POT1: variants seen among roughly 807,000 people sequenced by gnomAD.
POT1 encodes protection of telomeres 1, also known as protection of telomeres protein 1.
In POT1, 47 loss-of-function variants were observed where a neutral mutation model predicts 78.5. The ratio of observed to expected loss-of-function variants is 0.60; its 90% CI spans 0.47 to 0.76. POT1 has a LOEUF of 0.76. Among genes scored for constraint, POT1 ranks in the 30% least tolerant of loss-of-function variants. POT1 has a pLI of 0.00. For missense variants in POT1, 646 were observed against 749.9 expected (o/e 0.86, Z 1.62); for synonymous variants, 259 against 260.7 (o/e 0.99, Z 0.06).
intron 17 of POT1, among the ~76,000 whole-genome samples, chr7:124,825,593 AATG>A (rs1794611138): frequency 6.6e-6 from 1 of 152,132 alleles, no homozygotes; most frequent in South Asian, 2.1e-4. Flanking sequence ...CTGATTTAAT[AATG>A]ATGATGGTAA....
At chr7:124,887,530 A>G (rs1322867916) in intron 6 of POT1, among the ~76,000 whole-genome samples, 1 of 152,124 alleles carries the variant, frequency 6.6e-6, no homozygotes, top group Non-Finnish European at 1.5e-5. Flanking sequence ...TAAAATTTGT[A>G]TATCTTTATT....
chr7:124,882,071 T>C (rs1029111621), intron 6 of POT1, among the ~76,000 whole-genome samples: 2 of 151,994 alleles, frequency 1.3e-5, no homozygotes, highest in Non-Finnish European at 2.9e-5. Flanking sequence ...TTCAACGAAT[T>C]GACTCAGTAT....
chr7:124,885,293 C>CAAAAA lies in POT1; in HGVS notation c.124+6968_124+6972dup, dbSNP rs11372618. ...CAACAATGCAAGACCTCCATCTCTC[C>CAAAAA]AAAAAAAAAAAAAAAAAAAAAGTTT... On this transcript the variant is annotated intron_variant, in intron 6 of 18. Transcript: ENST00000357628. 8.8e-3 allele frequency among the ~76,000 whole-genome samples: 554 copies of CAAAAA among 62,718 alleles called. 1 individual carries two copies. The highest frequency in any genetic ancestry group is 0.026 in the Middle Eastern group (2 of 76). 41.1% of individuals were successfully genotyped at this position (62,718 alleles called of 152,430 possible).
intron 6 of POT1, among the ~76,000 whole-genome samples, chr7:124,879,271 T>C (rs1262641724): frequency 6.6e-6 from 1 of 152,110 alleles, no homozygotes; most frequent in East Asian, 1.9e-4. Flanking sequence ...GGAAATTATA[T>C]ACCAAGTCTG....
chr7:124,866,556 C>T (rs1171132422), intron 7 of POT1, among the ~76,000 whole-genome samples: 1 of 152,188 alleles, frequency 6.6e-6, no homozygotes, highest in African/African-American at 2.4e-5. Context: ...GACTTTTAGA[C>T]ATCCCCTTCT....
intron 17 of POT1, 54 bp from the exon 18 acceptor site, chr7:124,825,411 ATGT>A: frequency 9.2e-7 from 1 of 1,091,702 alleles, no homozygotes; most frequent in Non-Finnish European, 1.3e-6. Flanking sequence ...ATCCTTTTTA[ATGT>A]TATTATTAAC....
At chr7:124,910,684 A>T (rs949034640) in intron 3 of POT1, among the ~76,000 whole-genome samples, 1 of 152,020 alleles carries the variant, frequency 6.6e-6, no homozygotes, top group Non-Finnish European at 1.5e-5. Flanking sequence ...AAGAAACAGA[A>T]AAATAAGTTA....
intron 6 of POT1, among the ~76,000 whole-genome samples, chr7:124,882,098 C>T (rs1309347537): frequency 1.3e-5 from 2 of 151,860 alleles, no homozygotes; most frequent in Non-Finnish European, 2.9e-5. Context: ...GTGTAAATTG[C>T]CTTGGAGTTT....
At chr7:124,907,995 C>T (rs569757197) in intron 3 of POT1, among the ~76,000 whole-genome samples, 1 of 152,020 alleles carries the variant, frequency 6.6e-6, no homozygotes, top group Admixed American at 6.6e-5. Context: ...AACTACAAGA[C>T]TCATGTATTA....
chr7:124,894,537 T>A (rs1160602678), intron 5 of POT1, among the ~76,000 whole-genome samples: 1 of 151,638 alleles, frequency 6.6e-6, no homozygotes, highest in East Asian at 1.9e-4. Context: ...ACAGCTAAGA[T>A]ATAAACCTCA....
Position 124,905,039 on chromosome 7 carries a change from G to C in POT1, c.-153-6665C>G, listed in dbSNP as rs566113656. Among the ~76,000 whole-genome samples, 3 of 152,284 alleles carry C rather than the reference G, an allele frequency of 2.0e-5. No homozygotes were observed. In the South Asian group the frequency reaches 6.2e-4, roughly 32 times the overall value. Reference sequence around the variant, plus strand: ...ACATTCCACGCTCATGGATAGAAAAGAATCAGTATCATGAAAATGGCCATA... The same window carrying C: ...ACATTCCACGCTCATGGATAGAAAACAATCAGTATCATGAAAATGGCCATA... On this transcript the variant is annotated intron_variant, in intron 3 of 18. Transcript: ENST00000357628.
intron 2 of POT1, among the ~76,000 whole-genome samples, chr7:124,920,325 A>C (rs868632259): frequency 6.6e-6 from 1 of 152,208 alleles, no homozygotes; most frequent in South Asian, 2.1e-4. Context: ...AGCCAGATGC[A>C]AAAGGCTACA....
intron 7 of POT1, among the ~76,000 whole-genome samples, chr7:124,865,273 C>T (rs1562994228): frequency 6.6e-6 from 1 of 152,042 alleles, no homozygotes; most frequent in Non-Finnish European, 1.5e-5. Context: ...AAAGTTTTGT[C>T]TGGATGTGCG....
At chr7:124,877,840 C>CAAAAAAAAAAAAAAAAAAAAAAAAAAA (rs201285982) in intron 6 of POT1, among the ~76,000 whole-genome samples, 4 of 80,544 alleles carry the variant, frequency 5.0e-5, no homozygotes, top group Non-Finnish European at 5.4e-5. Flanking sequence ...GATTCTGTCT[C>CAAAAAAAAAAAAAAAAAAAAAAAAAAA]AAAAAAAAAA....
intron 14 of POT1, 92 bp downstream of exon 14, chr7:124,840,881 C>A: frequency 1.0e-6 from 1 of 993,298 alleles, no homozygotes; most frequent in South Asian, 1.6e-5. Flanking sequence ...TTTATATGTA[C>A]TAGGTTGTCT....
At chr7:124,855,218 C>CAAAAAAAAAAAAAAAAAAA (rs550056711) in intron 9 of POT1, among the ~76,000 whole-genome samples, 1 of 52,492 alleles carries the variant, frequency 1.9e-5, no homozygotes, top group African/African-American at 7.9e-5. Flanking sequence ...GAGAGGAGAG[C>CAAAAAAAAAAAAAAAAAAA]AAAAAAAAAA....
intron 6 of POT1, among the ~76,000 whole-genome samples, chr7:124,889,138 A>C (rs1347860290): frequency 1.3e-5 from 2 of 152,098 alleles, no homozygotes; most frequent in Admixed American, 1.3e-4. Flanking sequence ...TCCTGAAGGA[A>C]ATTAAAGGTG....
At chr7:124,902,276 A>C (rs1459484458) in intron 3 of POT1, among the ~76,000 whole-genome samples, 1 of 152,146 alleles carries the variant, frequency 6.6e-6, no homozygotes, top group African/African-American at 2.4e-5. Context: ...CAGCCAGAGA[A>C]AAAGGTCAGG....
chr7:124,823,882 C>G lies in POT1; in HGVS notation c.*80G>C. 1.1e-6 allele frequency: 1 copy of G among 882,024 alleles called. No homozygotes were observed. Among genetic ancestry groups the G allele is most frequent in the South Asian group, 1.4e-5 (1 of 69,318 alleles). The allele number at this position is 882,024 out of a possible 1,614,324, so 54.6% of individuals were successfully genotyped here. On this transcript the variant is annotated 3_prime_UTR_variant, in exon 19 of 19. Coordinates refer to ENST00000357628, the MANE Select transcript of POT1 (RefSeq NM_015450.3). ...GCTAACATCATCAACATTGCTGATA[C>G]AAAACTCAGGTCAGGAAAAGAAGCT...
Sources: allele counts gnomAD v4.1 joint callset (sites outside exome capture counted in the v4.1 genomes callset), GRCh38; gene constraint gnomAD v4.1.1; transcripts MANE v1.5; gene names NCBI Gene and HGNC (gene_info 2026-07-23, HGNC 2026-07-21).